Variants in NREP observed in about 807,000 individuals in gnomAD.
NREP encodes neuronal regeneration related protein.
A neutral mutation model predicts 8.6 loss-of-function variants in NREP; 5 were observed. The ratio of observed to expected loss-of-function variants is 0.58; its 90% CI spans 0.30 to 1.22. NREP has a LOEUF of 1.22. NREP is among the 50% of genes most tolerant of loss of function. The pLI is 0.07. For missense variants in NREP, 86 were observed against 82.5 expected (o/e 1.04, Z -0.17); for synonymous variants, 27 against 28.0 (o/e 0.96, Z 0.11).
At chr5:111,841,826 G>C (rs1753037897) in intron 2 of NREP, among the ~76,000 whole-genome samples, 1 of 152,108 alleles carries the variant, frequency 6.6e-6, no homozygotes, top group South Asian at 2.1e-4. Flanking sequence ...TTTTGGGTTA[G>C]AGTTAACATT....
At chr5:111,946,985 T>A (rs550145664) in intron 2 of NREP, among the ~76,000 whole-genome samples, 3 of 152,240 alleles carry the variant, frequency 2.0e-5, no homozygotes, top group African/African-American at 4.8e-5. Context: ...ACTATTCCAA[T>A]GTTTTTCTAC....
At chr5:111,861,049 C>A (rs966348871) in intron 2 of NREP, among the ~76,000 whole-genome samples, 7 of 151,920 alleles carry the variant, frequency 4.6e-5, no homozygotes, top group African/African-American at 1.7e-4. Flanking sequence ...ATAAGGAATC[C>A]CTGGAAGAAA....
chr5:111,734,730 TTTTC>T (rs1449173178), intron 3 of NREP: 5 of 700,926 alleles, frequency 7.1e-6, no homozygotes, highest in Admixed American at 2.0e-5. Flanking sequence ...TGGATTCTGT[TTTTC>T]TTTCTTAACT....
chr5:111,857,710 T>C (rs1753456258), intron 2 of NREP, among the ~76,000 whole-genome samples: 1 of 152,174 alleles, frequency 6.6e-6, no homozygotes, highest in African/African-American at 2.4e-5. Context: ...TTTTTGTTGG[T>C]TTTGTTCACT....
chr5:111,902,276 C>T (rs1440886573), intron 2 of NREP, among the ~76,000 whole-genome samples: 4 of 151,982 alleles, frequency 2.6e-5, no homozygotes, highest in East Asian at 1.9e-4. Context: ...CCCTATCTCT[C>T]GCCATCCACA....
chr5:111,795,488 C>T (rs183651693), intron 2 of NREP, among the ~76,000 whole-genome samples: 3 of 152,280 alleles, frequency 2.0e-5, no homozygotes, highest in African/African-American at 7.2e-5. Context: ...TTGAAATATT[C>T]TTTGAATTTT....
chr5:111,757,814 C>T (rs1330940698), upstream of NREP: 4 of 971,332 alleles, frequency 4.1e-6, no homozygotes, highest in African/African-American at 1.8e-5. Flanking sequence ...GGTTGCTTTT[C>T]AGACAAATAA....
At chr5:111,732,051 G>C (rs1748639942) in intron 3 of NREP, 3 of 151,792 alleles carry the variant, frequency 2.0e-5, no homozygotes, top group Admixed American at 2.0e-4. Context: ...ACATTTTCTT[G>C]GAAGAAATTA....
At chr5:111,892,096 T>C (rs1406280351) in intron 2 of NREP, among the ~76,000 whole-genome samples, 3 of 151,794 alleles carry the variant, frequency 2.0e-5, no homozygotes, top group Non-Finnish European at 2.9e-5. Context: ...AGAAAAGGAA[T>C]GAAAAAACAC....
upstream of NREP, among the ~76,000 whole-genome samples, chr5:111,762,711 C>G (rs1750988977): frequency 6.6e-6 from 1 of 152,172 alleles, no homozygotes; most frequent in Non-Finnish European, 1.5e-5. Context: ...CCTTAGATCT[C>G]AGAATTCTAG....
intron 2 of NREP, among the ~76,000 whole-genome samples, chr5:111,763,769 T>TGC (rs1751019250): frequency 6.6e-6 from 1 of 152,232 alleles, no homozygotes; most frequent in African/African-American, 2.4e-5. Context: ...TGTGTGTGTG[T>TGC]GTGTGTTTGT....
chr5:111,828,329 G>A (rs1241624244), intron 2 of NREP, among the ~76,000 whole-genome samples: 2 of 152,034 alleles, frequency 1.3e-5, no homozygotes, highest in African/African-American at 4.8e-5. Flanking sequence ...GCGCCCGGCC[G>A]GATATTTGTT....
chr5:111,767,671 G>GT (rs1003372920), intron 2 of NREP, among the ~76,000 whole-genome samples: 2 of 151,954 alleles, frequency 1.3e-5, no homozygotes, highest in African/African-American at 2.4e-5. Context: ...TTGGTTGTTT[G>GT]TTTTTTTGTT....
intron 2 of NREP, among the ~76,000 whole-genome samples, chr5:111,884,806 G>T (rs564679151): frequency 6.6e-6 from 1 of 152,250 alleles, no homozygotes; most frequent in East Asian, 1.9e-4. Context: ...AATAAATTAG[G>T]TTTTGATGGG....
At chr5:111,835,780 G>A (rs1205556357) in intron 2 of NREP, among the ~76,000 whole-genome samples, 3 of 152,038 alleles carry the variant, frequency 2.0e-5, no homozygotes, top group Non-Finnish European at 4.4e-5. Context: ...AGACAGAGGA[G>A]AGGCTGAAGA....
chr5:111,890,853 G>C (rs1754377906), intron 2 of NREP, among the ~76,000 whole-genome samples: 1 of 152,224 alleles, frequency 6.6e-6, no homozygotes, highest in Admixed American at 6.5e-5. Flanking sequence ...CCTGTGATGA[G>C]AGGGGCTGCC....
intron 2 of NREP, among the ~76,000 whole-genome samples, chr5:111,944,594 A>G (rs1028444757): frequency 1.6e-4 from 24 of 152,292 alleles, no homozygotes; most frequent in African/African-American, 5.5e-4. Flanking sequence ...GGCATGGGCC[A>G]TGACAACCAG....
chr5:111,931,962 T>C (rs773828243), intron 2 of NREP, among the ~76,000 whole-genome samples: 2 of 152,072 alleles, frequency 1.3e-5, no homozygotes, highest in African/African-American at 2.4e-5. Flanking sequence ...ATTAAACCAA[T>C]TGCATCTCAT....
intron 2 of NREP, among the ~76,000 whole-genome samples, chr5:111,850,357 A>G (rs1170273459): frequency 6.6e-6 from 1 of 152,030 alleles, no homozygotes; most frequent in East Asian, 1.9e-4. Flanking sequence ...CCAATTTTAT[A>G]TTTTAGCCTG....
Sources: allele counts gnomAD v4.1 joint callset (sites outside exome capture counted in the v4.1 genomes callset), GRCh38; gene constraint gnomAD v4.1.1; transcripts MANE v1.5; gene names NCBI Gene and HGNC (gene_info 2026-07-23, HGNC 2026-07-21).